The following TRO variants were observed in gnomAD, a reference collection of about 807,000 sequenced individuals.
TRO encodes trophinin.
In TRO, 29 loss-of-function variants were observed where a neutral mutation model predicts 42.3. The observed-to-expected ratio is 0.68, with a 90% CI of 0.51 to 0.93. The LOEUF (loss-of-function observed/expected upper bound fraction) is 0.93, where lower values mean the gene tolerates loss of function less well. TRO is among the 40% of genes least tolerant of loss of function. The pLI, the probability that TRO is intolerant of heterozygous loss-of-function variation, is 0.00. For synonymous variants in TRO, 384 were observed against 425.2 expected, an observed-to-expected ratio of 0.90 and a Z score of 1.19; for missense variants, 963 against 1,127.7, an observed-to-expected ratio of 0.85 and a Z score of 2.09.
chrX:54,926,596 G>A lies in TRO; in HGVS notation c.1671G>A (p.Glu557=), dbSNP rs369288439. The change falls in exon 9 of 13, where the codon GAG becomes GAA. Residue 557 remains glutamate (E), a synonymous_variant. Transcript: ENST00000173898. ...CTCCCCTCACAGCTGTCATCTGGGA[G>A]GTGCTGCGCAAGTTGGGGCTGCGCC... The part of the protein sequence containing the change: ...GNKASEAVIW[E]VLRKLGLRPG... The A allele has an allele frequency of 7.4e-6, 9 of 1,210,252 alleles. No individual in the cohort carries two copies. Among genetic ancestry groups the A allele is most frequent in the Admixed American group, 2.2e-5 (1 of 45,830 alleles).
intron 5 of TRO, 31 bp downstream of exon 5, chrX:54,924,764 TCTC>T: frequency 1.7e-6 from 2 of 1,184,223 alleles, no homozygotes; most frequent in Non-Finnish European, 2.3e-6. Context: ...CTCCTTGAGC[TCTC>T]CTCTCCACTC....
rs1353253234 is a variant in TRO, at chrX:54,922,932, G to A, written c.400G>A (p.Ala134Thr). 3.3e-6 allele frequency: 4 copies of A among 1,210,269 alleles called. No individual in the cohort carries two copies. The highest frequency in any genetic ancestry group is 4.4e-5 in the Admixed American group (2 of 45,829). Residue 134 changes from alanine to threonine, a missense_variant, in exon 3 of 13, where the codon GCT (alanine) becomes ACT (threonine). Around this residue, in one of 2 missense-constraint regions of TRO, gnomAD observed 322 missense variants for 316.5 expected, o/e 1.02. Transcript: ENST00000173898. The part of the protein sequence containing the change: ...VTNTQASSVT[A>T]QPKKANKMKR... ...CAATACTCAGGCTTCTTCAGTCACT[G>A]CTCAGCCTAAGAAAGCCAACAAGAT... is the stretch of plus-strand genomic sequence containing the variant.
chrX:54,920,924 C>T (rs1198549836), intron 1 of TRO, 46 bp downstream of exon 1: 2 of 111,057 alleles, frequency 1.8e-5, no homozygotes, highest in Non-Finnish European at 3.8e-5. Flanking sequence ...TGGGGGCTTC[C>T]TGGCTGCGGC....
Position 54,930,647 on chromosome X carries a change from G to C in TRO, c.3923G>C (p.Gly1308Ala). The change falls in exon 12 of 13, where the codon GGC becomes GCC. Residue 1308 changes from glycine to alanine, a missense_variant. Gly to Ala is a moderately conservative substitution (Grantham distance 60). Around this residue, in one of 2 missense-constraint regions of TRO, gnomAD observed 641 missense variants for 811.3 expected, o/e 0.79. Transcript: ENST00000173898. ...GGCAGCACACTTGGCACCAGTGCTG[G>C]CTTTAGTGGTGGCCTCAGCACCAGC... ...SFGSTLGTSA[G>A]FSGGLSTSDG... is the part of the protein sequence containing the mutation. 1 of 1,211,285 alleles carries C rather than the reference G, an allele frequency of 8.3e-7. No individual in the cohort carries two copies. Among genetic ancestry groups the C allele is most frequent in the Middle Eastern group, 2.3e-4 (1 of 4,339 alleles).
chrX:54,922,398 G>A, intron 2 of TRO, 107 bp downstream of exon 2: 2 of 995,677 alleles, frequency 2.0e-6, no homozygotes, highest in Non-Finnish European at 2.8e-6. Flanking sequence ...TGCCTAACTC[G>A]TCTCAGTCCT....
Position 54,923,716 on chromosome X carries a change from C to T in TRO, c.1184C>T (p.Ala395Val). Residue 395 changes from alanine (A) to valine (V), a missense_variant, in exon 3 of 13, where the codon GCT (alanine) becomes GTT (valine). Ala to Val is a moderately conservative substitution (Grantham distance 64). This residue lies in a region of TRO where 322 missense variants were observed against 316.5 expected (regional missense o/e 1.02). Coordinates refer to ENST00000173898, the MANE Select transcript of TRO (RefSeq NM_001039705.3). ...CAGGCCCTGGCAGATGACTATCTGGCTCAGTTGAGCCTGGAGCCCACAACC... is the reference window on the plus strand; with the variant it reads ...CAGGCCCTGGCAGATGACTATCTGGTTCAGTTGAGCCTGGAGCCCACAACC... ...AVQALADDYLAQLSLEPTTRT... is the reference protein window; with the variant it reads ...AVQALADDYLVQLSLEPTTRT... 8.3e-7 allele frequency: 1 copy of T among 1,210,482 alleles called. No homozygotes were observed. The highest frequency in any genetic ancestry group is 3.0e-5 in the East Asian group (1 of 33,850).
Position 54,931,355 on chromosome X carries a change from C to G in TRO, c.*163C>G. ...GTCATGTGATGGAAAAATCTGTTTGCTGTTCCTGCTTTATTGTTTGCTTTC... is the reference window on the plus strand; with the variant it reads ...GTCATGTGATGGAAAAATCTGTTTGGTGTTCCTGCTTTATTGTTTGCTTTC... On this transcript the variant is annotated 3_prime_UTR_variant, in exon 13 of 13. Transcript: ENST00000173898. 1 of 1,200,102 alleles carries G rather than the reference C, an allele frequency of 8.3e-7. No individual in the cohort carries two copies. Among genetic ancestry groups the G allele is most frequent in the Non-Finnish European group, 1.1e-6 (1 of 885,986 alleles).
chrX:54,924,381 G>A, intron 3 of TRO, 70 bp from the exon 4 acceptor site: 15 of 981,126 alleles, frequency 1.5e-5, no homozygotes, highest in Non-Finnish European at 1.9e-5. Context: ...TCTGGAGCAG[G>A]CAAGGTGAGG....
In TRO at chrX:54,931,292, A is replaced by G; in HGVS notation, c.*100A>G. ...GTACATCCTTGGAATCTTTGTCCAC[A>G]CAGCAGTCAAGGCAGTTATGGCCAA... On this transcript the variant is annotated 3_prime_UTR_variant, in exon 13 of 13. Transcript: ENST00000173898. 2 of 1,212,105 alleles carry G rather than the reference A, an allele frequency of 1.7e-6. No individual in the cohort carries two copies. The highest frequency in any genetic ancestry group is 2.2e-6 in the Non-Finnish European group (2 of 895,551).
Position 54,930,815 on chromosome X carries a change from T to C in TRO, c.4091T>C (p.Ile1364Thr), listed in dbSNP as rs1219654812. ...GGCTTCAGTAGTGGACCCAGTTCTA[T>C]TGTTGGCTTCAGCGGTGGACCAAGC... ...STGFSSGPSS[I>T]VGFSGGPSTG... The change falls in exon 12 of 13, where the codon ATT (isoleucine) becomes ACT (threonine). Residue 1364 changes from isoleucine to threonine, a missense_variant. By Grantham distance (89) the Ile-to-Thr change is moderately conservative. Coordinates refer to ENST00000173898, the MANE Select transcript of TRO (RefSeq NM_001039705.3). 1.7e-6 allele frequency: 2 copies of C among 1,211,226 alleles called. No individual in the cohort carries two copies. Among genetic ancestry groups the C allele is most frequent in the Non-Finnish European group, 2.2e-6 (2 of 895,060 alleles).
rs1445461426 is a variant in TRO, at chrX:54,925,621, T to C, written c.1515T>C (p.Asp505=). The change falls in exon 7 of 13, where the codon GAT becomes GAC. Residue 505 remains aspartate, a synonymous_variant. Transcript: ENST00000173898. ...KMFRVNLKEI[D]KQSSLYILIS... is the part of the protein sequence containing the mutation. ...TTCGAGTCAATCTGAAAGAAATTGA[T>C]AAGCAAAGTAGCTTGTATATTCTCA... The C allele has an allele frequency of 1.7e-6, 2 of 1,210,720 alleles. No individual in the cohort carries two copies.
At chrX:54,922,461 C>G in intron 2 of TRO, 117 bp from the exon 3 acceptor site, 1 of 918,016 alleles carries the variant, frequency 1.1e-6, no homozygotes, top group Non-Finnish European at 1.5e-6. Context: ...CTATTCCTTC[C>G]TTGCTCCCTA....
chrX:54,923,019 A>G lies in TRO; in HGVS notation c.487A>G (p.Thr163Ala), dbSNP rs771929442. 2 of 1,210,508 alleles carry G rather than the reference A, an allele frequency of 1.7e-6. No individual in the cohort carries two copies. The highest frequency in any genetic ancestry group is 5.9e-5 in the East Asian group (2 of 33,767). ...ATCCCCAACTGGCCATGAGGGTGGC[A>G]CTATACAGCTGAAGTCACCCTTGCA... ...SQSPTGHEGG[T>A]IQLKSPLQVL... The change falls in exon 3 of 13, where the codon ACT becomes GCT. Residue 163 changes from threonine (T) to alanine (A), a missense_variant. By Grantham distance (58) the Thr-to-Ala change is moderately conservative. Transcript: ENST00000173898.
rs781009159 is a variant in TRO, at chrX:54,924,659, T to C, written c.1342-11T>C. 8 of 1,210,821 alleles carry C rather than the reference T, an allele frequency of 6.6e-6. No individual in the cohort carries two copies. In the East Asian group the frequency reaches 2.4e-4, roughly 36 times the overall value. The stretch of plus-strand genomic sequence containing the variant: ...ATGTTAAGATCTCTCCATCTATTCC[T>C]CTCCTCCCAGGCTAATAAGTTGGTG... On this transcript the variant is annotated splice_polypyrimidine_tract_variant and intron_variant, in intron 4 of 12. Coordinates refer to ENST00000173898, the MANE Select transcript of TRO (RefSeq NM_001039705.3).
chrX:54,924,902 T>C (rs1391513556), intron 5 of TRO, 87 bp from the exon 6 acceptor site: 1 of 1,031,680 alleles, frequency 9.7e-7, no homozygotes, highest in Non-Finnish European at 1.3e-6. Context: ...AGGTCTCTGA[T>C]TGCACTGACC....
rs746410248 is a variant in TRO at position 54,927,055 on chromosome X, A to G, written c.1713A>G (p.Ser571=). 1.2e-5 allele frequency: 14 copies of G among 1,210,665 alleles called. No homozygotes were observed. Among genetic ancestry groups the G allele is most frequent in the South Asian group, 5.3e-5 (3 of 56,895 alleles). The change falls in exon 10 of 13, where the codon TCA becomes TCG. Residue 571 remains serine, a synonymous_variant. Transcript: ENST00000173898. ...KLGLRPGVRH[S]LFGEVRKLIT... ...TTCCCATTGTCAGGGTGAGGCATTCACTCTTTGGGGAAGTGAGGAAGCTCA... is the reference window on the plus strand; with the variant it reads ...TTCCCATTGTCAGGGTGAGGCATTCGCTCTTTGGGGAAGTGAGGAAGCTCA...
rs764026290 is a variant in TRO, at chrX:54,929,248, AGTG to A, written c.2529_2531del (p.Gly844del). ...CCCACTCAGCACCAGTGCCACTTTC[AGTG>A]GTGGAGCCAGCTCTGGCTTTGGAGG... is the stretch of plus-strand genomic sequence containing the variant. On this transcript the variant is annotated inframe_deletion, in exon 12 of 13. Coordinates refer to ENST00000173898, the MANE Select transcript of TRO (RefSeq NM_001039705.3). 4 of 1,211,284 alleles carry A rather than the reference AGTG, an allele frequency of 3.3e-6. No homozygotes were observed. The highest frequency in any genetic ancestry group is 4.5e-6 in the Non-Finnish European group (4 of 895,218).
chrX:54,923,918 G>A, intron 3 of TRO, 150 bp downstream of exon 3: 1 of 607,770 alleles, frequency 1.6e-6, no homozygotes, highest in East Asian at 3.6e-5. Flanking sequence ...AGGTGATATA[G>A]TTTCTGCTCC....
chrX:54,927,080 A>T lies in TRO; in HGVS notation c.1738A>T (p.Ile580Phe). Residue 580 changes from isoleucine to phenylalanine, a missense_variant, in exon 10 of 13, where the codon ATC becomes TTC. By Grantham distance (21) the Ile-to-Phe change is conservative (BLOSUM62 0). Coordinates refer to ENST00000173898, the MANE Select transcript of TRO (RefSeq NM_001039705.3). ...HSLFGEVRKL[I>F]TDEFVKQKYL... is the part of the protein sequence containing the mutation. ...ACTCTTTGGGGAAGTGAGGAAGCTCATCACAGACGAGTTTGTGAAGCAGAA... is the reference window on the plus strand; with the variant it reads ...ACTCTTTGGGGAAGTGAGGAAGCTCTTCACAGACGAGTTTGTGAAGCAGAA... 8.3e-7 allele frequency: 1 copy of T among 1,211,742 alleles called. No individual in the cohort carries two copies. Among genetic ancestry groups the T allele is most frequent in the Non-Finnish European group, 1.1e-6 (1 of 895,545 alleles).
Sources: gnomAD v4.1 joint callset for allele counts on GRCh38, gnomAD v4.1.1 for gene constraint, gnomAD v4.1.1 regional missense constraint, MANE v1.5 for transcripts, NCBI Gene and HGNC (gene_info 2026-07-23, HGNC 2026-07-21) for gene names.